Variants in LEKR1 observed in about 807,000 individuals in gnomAD.
The protein encoded by LEKR1 is leucine, glutamate and lysine rich 1, also known as protein LEKR1.
A neutral mutation model predicts 72.4 loss-of-function variants in LEKR1; 59 were observed. That is an observed-to-expected ratio of 0.82 (90% CI 0.66 to 1.01). The LOEUF (loss-of-function observed/expected upper bound fraction) is 1.01. LEKR1 is among the 50% of genes least tolerant of loss of function. The pLI is 0.00. For missense variants in LEKR1, 728 were observed against 759.2 expected (o/e 0.96, Z 0.48); for synonymous variants, 257 against 263.2 (o/e 0.98, Z 0.23).
At chr3:156,865,552 G>A (rs992296464) in intron 3 of LEKR1, among the ~76,000 whole-genome samples, 3 of 151,786 alleles carry the variant, frequency 2.0e-5, no homozygotes, top group Non-Finnish European at 2.9e-5. Context: ...ATTCAACCAC[G>A]ATGCTAGTCC....
chr3:156,976,874 A>T (rs1441168296), intron 6 of LEKR1, among the ~76,000 whole-genome samples: 1 of 152,218 alleles, frequency 6.6e-6, no homozygotes, highest in African/African-American at 2.4e-5. Flanking sequence ...GTGACTATAC[A>T]TGAAATTATA....
intron 12 of LEKR1, among the ~76,000 whole-genome samples, chr3:157,031,530 A>G (rs943749324): frequency 2.0e-5 from 3 of 152,190 alleles, no homozygotes; most frequent in Admixed American, 2.0e-4. Flanking sequence ...TAAGCATGCC[A>G]GAGTCCAAAA....
At chr3:156,984,387 T>C (rs1730494029) in intron 7 of LEKR1, among the ~76,000 whole-genome samples, 1 of 152,204 alleles carries the variant, frequency 6.6e-6, no homozygotes, top group South Asian at 2.1e-4. Flanking sequence ...ATGTAAAATA[T>C]GTTTTCTGGC....
At chr3:156,890,740 G>A (rs1170544528) in intron 3 of LEKR1, among the ~76,000 whole-genome samples, 3 of 152,022 alleles carry the variant, frequency 2.0e-5, no homozygotes, top group Non-Finnish European at 4.4e-5. Flanking sequence ...TGGTAATTGA[G>A]ATCAGTGTGA....
At position 157,014,385 on chromosome 3, in the gene LEKR1, G is replaced by A. The variant is rs114485264; in HGVS notation, c.1203+2879G>A. On this transcript the variant is annotated intron_variant, in intron 10 of 12. Coordinates refer to ENST00000356539, the MANE Select transcript of LEKR1 (RefSeq NM_001004316.3). The stretch of plus-strand genomic sequence containing the variant: ...CTTGGCTGAAGCAACTAGATTGAGA[G>A]TGAAAATGCAGGTGAGAAAAGTTTA... Among the ~76,000 whole-genome samples, 663 of 152,158 alleles carry A rather than the reference G, an allele frequency of 4.4e-3. 2 individuals are homozygous for A. Among genetic ancestry groups the A allele is most frequent in the African/African-American group, 0.015 (638 of 41,536 alleles).
At chr3:157,026,711 G>T (rs1187118798) in intron 11 of LEKR1, among the ~76,000 whole-genome samples, 1 of 152,124 alleles carries the variant, frequency 6.6e-6, no homozygotes, top group African/African-American at 2.4e-5. Context: ...TTGGAACCTT[G>T]GTCTGTGAAT....
intron 12 of LEKR1, among the ~76,000 whole-genome samples, chr3:157,038,127 A>G (rs1735093725): frequency 6.6e-6 from 1 of 152,194 alleles, no homozygotes; most frequent in Non-Finnish European, 1.5e-5. Flanking sequence ...TTCTGTGTAG[A>G]AAATAGGTTG....
intron 12 of LEKR1, 51 bp downstream of exon 12, chr3:157,028,453 T>C (rs1351716180): frequency 8.2e-6 from 12 of 1,459,552 alleles, no homozygotes; most frequent in Non-Finnish European, 1.0e-5. Flanking sequence ...GCACATGTTC[T>C]TTCAACAAAC....
intron 4 of LEKR1, chr3:156,924,687 G>A (rs1057083347): frequency 2.4e-6 from 1 of 420,466 alleles, no homozygotes; most frequent in African/African-American, 2.0e-5. Flanking sequence ...AATTGTTCCA[G>A]TGCTGTTTGT....
intron 12 of LEKR1, among the ~76,000 whole-genome samples, chr3:157,037,617 C>G (rs1182836976): frequency 2.0e-5 from 3 of 152,112 alleles, no homozygotes; most frequent in African/African-American, 7.2e-5. Flanking sequence ...AAGGAGAACC[C>G]CTCCATGAAT....
chr3:156,863,070 A>G (rs1442098508), intron 3 of LEKR1, among the ~76,000 whole-genome samples: 1 of 152,008 alleles, frequency 6.6e-6, no homozygotes, highest in Non-Finnish European at 1.5e-5. Flanking sequence ...AGCTCCAGGG[A>G]TTTTCATACT....
Position 157,011,436 on chromosome 3 carries a change from A to G in LEKR1, c.1133A>G (p.Gln378Arg), listed in dbSNP as rs756389815. ...NERELMLISH[Q>R]KSIEQLQETL... is the part of the protein sequence containing the mutation. ...AGGGAATTGATGCTGATTTCACATC[A>G]GAAAAGCATCGAGCAGCTGCAAGAA... The change falls in exon 10 of 13, where the codon CAG becomes CGG. Residue 378 changes from glutamine (Q) to arginine (R), a missense_variant. Physicochemically the swap from Gln to Arg is conservative, Grantham distance 43 (BLOSUM62 1). Coordinates refer to ENST00000356539, the MANE Select transcript of LEKR1 (RefSeq NM_001004316.3). 1.1e-5 allele frequency: 17 copies of G among 1,613,010 alleles called. No homozygotes were observed. In the African/African-American group the frequency reaches 2.3e-4, roughly 22 times the overall value.
At chr3:156,869,372 C>A (rs915809770) in intron 3 of LEKR1, among the ~76,000 whole-genome samples, 3 of 151,958 alleles carry the variant, frequency 2.0e-5, no homozygotes, top group African/African-American at 7.2e-5. Flanking sequence ...TTATTATTTT[C>A]TCTTTTTAAT....
At chr3:156,876,940 A>G (rs747465052) in intron 3 of LEKR1, among the ~76,000 whole-genome samples, 1 of 131,026 alleles carries the variant, frequency 7.6e-6, no homozygotes, top group Non-Finnish European at 1.7e-5. Context: ...CCCATTCAGT[A>G]TAATGTTGGC....
At chr3:156,866,622 C>G (rs2108544517) in intron 3 of LEKR1, among the ~76,000 whole-genome samples, 1 of 151,862 alleles carries the variant, frequency 6.6e-6, no homozygotes, top group Admixed American at 6.6e-5. Flanking sequence ...AAATGCAATC[C>G]CTGATAGGTG....
chr3:156,869,511 C>G (rs552182299), intron 3 of LEKR1, among the ~76,000 whole-genome samples: 2 of 151,902 alleles, frequency 1.3e-5, no homozygotes, highest in South Asian at 4.2e-4. Context: ...TAGAAAAATG[C>G]CTTTGCATGT....
At chr3:157,028,602 C>G (rs746068527) in intron 12 of LEKR1, among the ~76,000 whole-genome samples, 200 bp downstream of exon 12, 3 of 152,184 alleles carry the variant, frequency 2.0e-5, no homozygotes, top group Non-Finnish European at 2.9e-5. Context: ...CTTAGCCTCT[C>G]CAGACCTGGC....
intron 7 of LEKR1, among the ~76,000 whole-genome samples, chr3:156,980,504 C>T (rs1311805587): frequency 3.3e-5 from 5 of 151,874 alleles, no homozygotes; most frequent in Non-Finnish European, 7.4e-5. Flanking sequence ...ACCCCCTAGG[C>T]CCAGGAAGTA....
intron 6 of LEKR1, among the ~76,000 whole-genome samples, chr3:156,964,337 A>T (rs796076251): frequency 3.3e-5 from 5 of 152,150 alleles, no homozygotes; most frequent in African/African-American, 1.2e-4. Flanking sequence ...TGTTGTTTGG[A>T]TTAATCATAA....
Sources: gnomAD v4.1 joint callset for allele counts (sites outside exome capture counted in the v4.1 genomes callset) on GRCh38, gnomAD v4.1.1 for gene constraint, MANE v1.5 for transcripts, NCBI Gene and HGNC (gene_info 2026-07-23, HGNC 2026-07-21) for gene names.